Variants in ZBTB17 observed in about 807,000 individuals in gnomAD.
ZBTB17 encodes zinc finger and BTB domain-containing protein 17.
ZBTB17 carries 24 observed loss-of-function variants against 85.1 expected under a neutral mutation model. That is an observed-to-expected ratio of 0.28 (90% CI 0.20 to 0.40). ZBTB17 has a LOEUF of 0.40. Among genes scored for constraint, ZBTB17 ranks in the 10% least tolerant of loss-of-function variants. The pLI is 1.00. For missense variants in ZBTB17, 743 were observed against 1,105.1 expected, an observed-to-expected ratio of 0.67 and a Z score of 4.65; for synonymous variants, 464 against 460.2, an observed-to-expected ratio of 1.01 and a Z score of -0.11.
intron 2 of ZBTB17, among the ~76,000 whole-genome samples, chr1:15,950,106 C>T (rs941861101): frequency 1.3e-5 from 2 of 152,252 alleles, no homozygotes; most frequent in Non-Finnish European, 1.5e-5. Flanking sequence ...GGGCCAGCCC[C>T]GAAATCAGGA....
At chr1:15,959,546 G>C (rs1456574426) in intron 2 of ZBTB17, among the ~76,000 whole-genome samples, 2 of 123,480 alleles carry the variant, frequency 1.6e-5, no homozygotes, top group Non-Finnish European at 3.3e-5. Flanking sequence ...GGAGGGAGGA[G>C]AGGGAGGGAG....
rs545147005 is a variant in ZBTB17 at position 15,972,401 on chromosome 1, G to A, written c.-3+638C>T. On this transcript the variant is annotated intron_variant, in intron 2 of 15. Coordinates refer to ENST00000375743, the MANE Select transcript of ZBTB17 (RefSeq NM_003443.3). The stretch of plus-strand genomic sequence containing the variant: ...AAGAGAGTAATCCAGACAGACTGAG[G>A]ACAGAGCAGGTTCTCTCAGCCAGCT... Among the ~76,000 whole-genome samples, 10 of 152,318 alleles carry A rather than the reference G, an allele frequency of 6.6e-5. No homozygotes were observed. The South Asian group carries it at 2.1e-3, about 32-fold the overall frequency.
chr1:15,948,775 GC>G (rs1570128219), intron 2 of ZBTB17, among the ~76,000 whole-genome samples: 1 of 152,164 alleles, frequency 6.6e-6, no homozygotes, highest in East Asian at 1.9e-4. Context: ...TCCGTATTCA[GC>G]CTGATAATAA....
At chr1:15,963,036 G>A (rs1350988688) in intron 2 of ZBTB17, among the ~76,000 whole-genome samples, 1 of 152,204 alleles carries the variant, frequency 6.6e-6, no homozygotes, top group South Asian at 2.1e-4. Context: ...GCCAAGGCAG[G>A]CAGATTGCTT....
chr1:15,943,382 G>T lies in ZBTB17; in HGVS notation c.1697+17C>A. ...TGTGGGGTGTCTGGCCAGTGGGTGT[G>T]GGGGAGGGGGCAGGACCTCTTGCCG... On this transcript the variant is annotated intron_variant, in intron 12 of 15. Transcript: ENST00000375743. 1.3e-6 allele frequency: 2 copies of T among 1,585,256 alleles called. No individual in the cohort carries two copies. Among genetic ancestry groups the T allele is most frequent in the Non-Finnish European group, 8.6e-7 (1 of 1,164,508 alleles).
At position 15,942,152 on chromosome 1, in the gene ZBTB17, T is replaced by C; in HGVS notation, c.2229A>G (p.Ala743=). ...AQHVRIHTAQ[A]LVMFQTDADF... ...CCGCGTCTGTCTGGAACATGACCAG[T>C]GCCTGGGCTGTGTGGATTCGCACAT... The change falls in exon 16 of 16, where the codon GCA becomes GCG. Residue 743 remains alanine, a synonymous_variant. Coordinates refer to ENST00000375743, the MANE Select transcript of ZBTB17 (RefSeq NM_003443.3). The C allele has an allele frequency of 3.1e-6, 5 of 1,613,660 alleles. No individual in the cohort carries two copies. Among genetic ancestry groups the C allele is most frequent in the Non-Finnish European group, 4.2e-6 (5 of 1,180,034 alleles).
rs899296609 is a variant in ZBTB17 at position 15,951,562 on chromosome 1, G to A, written c.-2-3065C>T. On this transcript the variant is annotated intron_variant, in intron 2 of 15. Coordinates refer to ENST00000375743, the MANE Select transcript of ZBTB17 (RefSeq NM_003443.3). This position sits in a 1 kb window ranked among gnomAD's most constrained non-coding sequence, Gnocchi z 4.1. Reference sequence around the variant, plus strand: ...TCAGGGTCCCCCAGGCTGTTCCCCAGCCGGGAAGCTTTAACAGCCCCTCTC... The same window carrying A: ...TCAGGGTCCCCCAGGCTGTTCCCCAACCGGGAAGCTTTAACAGCCCCTCTC... Among the ~76,000 whole-genome samples, 3 of 152,166 alleles carry A rather than the reference G, an allele frequency of 2.0e-5. No homozygotes were observed. Among genetic ancestry groups the A allele is most frequent in the African/African-American group, 4.8e-5 (2 of 41,440 alleles).
At chr1:15,943,270 G>A (rs2071436383) in intron 12 of ZBTB17, 76 bp from the exon 13 acceptor site, 2 of 1,605,262 alleles carry the variant, frequency 1.2e-6, no homozygotes, top group African/African-American at 1.3e-5. Context: ...AGACTGAAAA[G>A]GACCCCTAGG....
chr1:15,945,173 C>T lies in ZBTB17; in HGVS notation c.691G>A (p.Glu231Lys). Residue 231 changes from glutamate (E) to lysine (K), a missense_variant, in exon 7 of 16, where the codon GAA becomes AAA. By Grantham distance (56) the Glu-to-Lys change is moderately conservative (BLOSUM62 1). Around this residue, in one of 4 missense-constraint regions of ZBTB17, gnomAD observed 279 missense variants for 269.9 expected, o/e 1.03. Transcript: ENST00000375743. ...EMEVEPARKG[E>K]EEQKEQEEQE... ...TCCTCTTGCTCCTTTTGCTCCTCTTCCCCTTTCCGGGCGGGCTCCACCTCC... is the reference window on the plus strand; with the variant it reads ...TCCTCTTGCTCCTTTTGCTCCTCTTTCCCTTTCCGGGCGGGCTCCACCTCC... 1 of 1,563,242 alleles carries T rather than the reference C, an allele frequency of 6.4e-7. No homozygotes were observed. The highest frequency in any genetic ancestry group is 8.7e-7 in the Non-Finnish European group (1 of 1,153,446).
intron 2 of ZBTB17, among the ~76,000 whole-genome samples, chr1:15,949,392 G>A (rs536090249): frequency 2.0e-5 from 3 of 152,338 alleles, no homozygotes; most frequent in Admixed American, 2.0e-4. Context: ...ATTGTCTAGG[G>A]AAAATAAGCG....
chr1:15,955,305 A>T (rs1230808243), intron 2 of ZBTB17, among the ~76,000 whole-genome samples: 1 of 152,216 alleles, frequency 6.6e-6, no homozygotes, highest in Non-Finnish European at 1.5e-5. Context: ...CATGGCAGAG[A>T]AGCAAAAATG....
chr1:15,945,241 T>TAGAG, intron 6 of ZBTB17, 39 bp from the exon 7 acceptor site: 2 of 1,545,182 alleles, frequency 1.3e-6, no homozygotes, highest in Non-Finnish European at 1.7e-6. Flanking sequence ...GGCAGCCCTC[T>TAGAG]CTGCCTGAGC....
At position 15,946,209 on chromosome 1, in the gene ZBTB17, G is replaced by T. The variant is rs757566154; in HGVS notation, c.480C>A (p.Gly160=). The change falls in exon 5 of 16, where the codon GGC becomes GGA. Residue 160 remains glycine, a synonymous_variant. Transcript: ENST00000375743. ...LEQAGRSTPI[G]PSRDLKEERG... ...GCTCCTCCTTGAGGTCCCTGCTGGG[G>T]CCTATGGGTGTGCTGCGTCCTGCCT... is the stretch of plus-strand genomic sequence containing the variant. The T allele has an allele frequency of 6.2e-7, 1 of 1,613,220 alleles. No homozygotes were observed. The highest frequency in any genetic ancestry group is 1.1e-5 in the South Asian group (1 of 91,084).
At chr1:15,955,054 T>G (rs1048349689) in intron 2 of ZBTB17, among the ~76,000 whole-genome samples, 12 of 152,004 alleles carry the variant, frequency 7.9e-5, no homozygotes, top group Non-Finnish European at 1.5e-5. Context: ...CTCGGGAGGC[T>G]GAGGCAGGAG....
chr1:15,948,130 G>A (rs2071689844), intron 3 of ZBTB17, 161 bp downstream of exon 3: 2 of 814,250 alleles, frequency 2.5e-6, no homozygotes, highest in South Asian at 1.5e-5. Context: ...CCCAAAAGGT[G>A]GGAGGAACTT....
Position 15,947,136 on chromosome 1 carries a change from G to C in ZBTB17, c.206-13C>G. 1 of 1,598,174 alleles carries C rather than the reference G, an allele frequency of 6.3e-7. No individual in the cohort carries two copies. Among genetic ancestry groups the C allele is most frequent in the Non-Finnish European group, 8.6e-7 (1 of 1,167,620 alleles). On this transcript the variant is annotated splice_polypyrimidine_tract_variant and intron_variant, in intron 3 of 15. Transcript: ENST00000375743. The stretch of plus-strand genomic sequence containing the variant: ...ACCTGCCCCAGGCCTACCAAGGACA[G>C]GACAGCTGTCACAGACCCACCTCAA...
Position 15,943,528 on chromosome 1 carries a change from C to G in ZBTB17, c.1577-9G>C. 2 of 1,609,628 alleles carry G rather than the reference C, an allele frequency of 1.2e-6. No individual in the cohort carries two copies. Among genetic ancestry groups the G allele is most frequent in the African/African-American group, 1.3e-5 (1 of 74,984 alleles). ...CTGGCATGGCTTCTCACCTGGGGACCGGGCAGAAGGTGTTGGTGCCTGCTC... is the reference window on the plus strand; with the variant it reads ...CTGGCATGGCTTCTCACCTGGGGACGGGGCAGAAGGTGTTGGTGCCTGCTC... On this transcript the variant is annotated splice_polypyrimidine_tract_variant and intron_variant, in intron 11 of 15. Transcript: ENST00000375743.
chr1:15,961,355 C>T (rs1419731555), intron 2 of ZBTB17, among the ~76,000 whole-genome samples: 1 of 152,164 alleles, frequency 6.6e-6, no homozygotes, highest in African/African-American at 2.4e-5. Context: ...ATGGCAGAAG[C>T]CAACATCAGA....
intron 2 of ZBTB17, among the ~76,000 whole-genome samples, chr1:15,956,866 G>A (rs1021490931): frequency 1.3e-5 from 2 of 152,192 alleles, no homozygotes; most frequent in African/African-American, 4.8e-5. Context: ...CAGATCGAGA[G>A]GCAGGGGCTA....
Sources: gnomAD v4.1 joint callset for allele counts (sites outside exome capture counted in the v4.1 genomes callset) on GRCh38, gnomAD v4.1.1 for gene constraint, gnomAD v4.1.1 regional missense constraint, Gnocchi (gnomAD v3.1) non-coding constraint, MANE v1.5 for transcripts, NCBI Gene and HGNC (gene_info 2026-07-23, HGNC 2026-07-21) for gene names.